Variants in NPSR1 observed in about 807,000 individuals in gnomAD.
NPSR1 encodes neuropeptide S receptor.
NPSR1 carries 48 observed loss-of-function variants against 46.9 expected under a neutral mutation model. That is an observed-to-expected ratio of 1.02 (90% CI 0.81 to 1.30). The LOEUF is 1.30. NPSR1 is among the 50% of genes most tolerant of loss of function. The pLI, the probability that NPSR1 is intolerant of heterozygous loss-of-function variation, is 0.00. For synonymous variants in NPSR1, 176 were observed against 168.1 expected (o/e 1.05, Z -0.36); for missense variants, 450 against 449.5 (o/e 1.00, Z -0.01).
intron 8 of NPSR1, among the ~76,000 whole-genome samples, chr7:34,858,931 A>G (rs13310718): frequency 2.0e-5 from 3 of 151,684 alleles, no homozygotes; most frequent in Non-Finnish European, 4.4e-5. Context: ...ATCACTTTTT[A>G]TAAGAGTCCA....
intron 8 of NPSR1, among the ~76,000 whole-genome samples, chr7:34,861,458 A>G (rs1791189881): frequency 6.6e-6 from 1 of 151,668 alleles, no homozygotes; most frequent in African/African-American, 2.4e-5. Context: ...AGCAATCTGG[A>G]TGCCCGACTA....
At chr7:34,709,341 T>C (rs1794271344) in intron 2 of NPSR1, among the ~76,000 whole-genome samples, 1 of 152,182 alleles carries the variant, frequency 6.6e-6, no homozygotes, top group Non-Finnish European at 1.5e-5. Context: ...TTATTACCTG[T>C]TCTCAATTTT....
At chr7:34,765,131 AG>A (rs1029500574) in intron 2 of NPSR1, among the ~76,000 whole-genome samples, 1 of 152,180 alleles carries the variant, frequency 6.6e-6, no homozygotes, top group Admixed American at 6.5e-5. Flanking sequence ...TAGACTCCTA[AG>A]CAGATTGATT....
intron 2 of NPSR1, among the ~76,000 whole-genome samples, chr7:34,759,017 G>A (rs1786024500): frequency 6.6e-6 from 1 of 152,104 alleles, no homozygotes; most frequent in African/African-American, 2.4e-5. Context: ...AATAGATTAA[G>A]GTTATGTGCT....
chr7:34,877,205 G>C (rs1418407785), intron 8 of NPSR1, among the ~76,000 whole-genome samples: 2 of 152,086 alleles, frequency 1.3e-5, no homozygotes, highest in Non-Finnish European at 2.9e-5. Flanking sequence ...AATTCTGATG[G>C]GGTGGGGCCA....
At chr7:34,851,181 A>T (rs549337555), downstream of NPSR1, among the ~76,000 whole-genome samples, 4 of 135,994 alleles carry the variant, frequency 2.9e-5, no homozygotes, top group East Asian at 8.1e-4. Context: ...TTCAGAGCTT[A>T]AATCTTTTTT....
intron 3 of NPSR1, among the ~76,000 whole-genome samples, chr7:34,780,985 C>A (rs324986): frequency 0.51 from 78,195 of 151,948 alleles, 20,649 homozygotes; most frequent in African/African-American, 0.62. Flanking sequence ...TAAGAACATA[C>A]GCTGAGTAAT....
chr7:34,853,767 C>A (rs1177923476), downstream of NPSR1, among the ~76,000 whole-genome samples: 2 of 152,040 alleles, frequency 1.3e-5, no homozygotes, highest in Non-Finnish European at 2.9e-5. Context: ...GAGTTCGAGA[C>A]CATCCCAGTC....
intron 8 of NPSR1, among the ~76,000 whole-genome samples, chr7:34,862,238 G>T (rs1424407656): frequency 6.6e-6 from 1 of 151,614 alleles, no homozygotes; most frequent in Non-Finnish European, 1.5e-5. Flanking sequence ...TGGGAGTTGG[G>T]GGGTGGCAGT....
chr7:34,770,321 T>A (rs1786620413), intron 2 of NPSR1, among the ~76,000 whole-genome samples: 1 of 152,208 alleles, frequency 6.6e-6, no homozygotes, highest in African/African-American at 2.4e-5. Context: ...TCTCAATGAC[T>A]GCTCACATCT....
Position 34,827,475 on chromosome 7 carries a change from T to A in NPSR1, c.553T>A (p.Phe185Ile). The change falls in exon 5 of 9, where the codon TTT becomes ATT. Residue 185 changes from phenylalanine (F) to isoleucine (I), a missense_variant. Transcript: ENST00000360581. ...GTTCTCCATTCCCACCCTGATCATA[T>A]TTGGGAAGAGGACACTGTCCAACGG... ...FLFSIPTLII[F>I]GKRTLSNGEV... 1 of 1,614,016 alleles carries A rather than the reference T, an allele frequency of 6.2e-7. No homozygotes were observed. Among genetic ancestry groups the A allele is most frequent in the Non-Finnish European group, 8.5e-7 (1 of 1,179,954 alleles).
intron 3 of NPSR1, among the ~76,000 whole-genome samples, chr7:34,791,258 TTA>T (rs971394016): frequency 2.4e-4 from 32 of 132,910 alleles, no homozygotes; most frequent in African/African-American, 5.2e-4. Context: ...ATGTTATATA[TTA>T]TATGTTATAA....
rs907073371 is a variant in NPSR1 at position 34,873,247 on chromosome 7, C to T, written c.1026-4829C>T. On this transcript the variant is annotated intron_variant, in intron 8 of 8. Coordinates refer to the NPSR1 transcript ENST00000359791. ...AGTCTACAAGTTGCAAACTTTCCTT[C>T]ATCTTCCTGTCTTCTTCTGAAACCT... Among the ~76,000 whole-genome samples the T allele has an allele frequency of 1.3e-5, 2 of 151,848 alleles. 1 individual carries two copies. The highest frequency in any genetic ancestry group is 4.9e-5 in the African/African-American group (2 of 41,114).
At chr7:34,751,624 G>A in intron 2 of NPSR1, 2 of 1,601,904 alleles carry the variant, frequency 1.2e-6, no homozygotes, top group South Asian at 1.1e-5. Context: ...TCCACTCACT[G>A]CCTGCTCCAA....
intron 2 of NPSR1, among the ~76,000 whole-genome samples, chr7:34,715,434 C>T (rs1350994322): frequency 6.6e-6 from 1 of 152,210 alleles, no homozygotes; most frequent in Non-Finnish European, 1.5e-5. Context: ...AAGGAATTGT[C>T]AGTCAGCCCT....
chr7:34,833,891 T>C (rs968331753), intron 5 of NPSR1, among the ~76,000 whole-genome samples: 27 of 152,218 alleles, frequency 1.8e-4, no homozygotes, highest in African/African-American at 6.3e-4. Context: ...CTACATTCTA[T>C]GTAATCAGTC....
chr7:34,658,347 AG>A lies in NPSR1; in HGVS notation c.-64del. 2 of 1,575,070 alleles carry A rather than the reference AG, an allele frequency of 1.3e-6. No homozygotes were observed. The highest frequency in any genetic ancestry group is 2.3e-5 in the South Asian group (2 of 86,942). On this transcript the variant is annotated 5_prime_UTR_variant, in exon 1 of 9. Transcript: ENST00000360581. ...CTGCAGCTGCTGCCCAGCTCTCAGG[AG>A]GCAAGCTGGACTCCCTCACTCAGCT...
At chr7:34,751,718 C>A (rs1208222383) in intron 2 of NPSR1, 2 of 1,584,254 alleles carry the variant, frequency 1.3e-6, no homozygotes, top group Admixed American at 1.7e-5. Flanking sequence ...GTGGGAGACT[C>A]CTTCGGGTCC....
chr7:34,793,531 C>A (rs1788035306), intron 3 of NPSR1, among the ~76,000 whole-genome samples: 1 of 152,130 alleles, frequency 6.6e-6, no homozygotes, highest in African/African-American at 2.4e-5. Flanking sequence ...GATACCACCT[C>A]AGTCTAGTTA....
Sources: allele counts gnomAD v4.1 joint callset (sites outside exome capture counted in the v4.1 genomes callset), GRCh38; gene constraint gnomAD v4.1.1; transcripts MANE v1.5; gene names NCBI Gene and HGNC (gene_info 2026-07-23, HGNC 2026-07-21).